The following COX7B2 variants were observed in gnomAD, a reference collection of about 807,000 sequenced individuals.
The protein encoded by COX7B2 is cytochrome c oxidase subunit 7B2, mitochondrial.
For synonymous variants in COX7B2, 37 were observed against 32.1 expected, an observed-to-expected ratio of 1.15 and a Z score of -0.51; for missense variants, 109 against 95.9, an observed-to-expected ratio of 1.14 and a Z score of -0.57.
At chr4:46,905,979 G>A (rs1720365124) in intron 1 of COX7B2, among the ~76,000 whole-genome samples, 5 of 150,626 alleles carry the variant, frequency 3.3e-5, no homozygotes, top group Admixed American at 3.3e-4. Flanking sequence ...ACAGGCGCCC[G>A]CCACCGCGCC....
intron 1 of COX7B2, among the ~76,000 whole-genome samples, chr4:46,869,449 G>A (rs547564483): frequency 2.8e-4 from 42 of 152,130 alleles, no homozygotes; most frequent in African/African-American, 9.4e-4. Flanking sequence ...TTATTTGGGT[G>A]GTTGCTTTAT....
intron 1 of COX7B2, among the ~76,000 whole-genome samples, chr4:46,853,122 T>C (rs537300456): frequency 2.4e-4 from 36 of 152,164 alleles, no homozygotes; most frequent in Non-Finnish European, 5.1e-4. Flanking sequence ...GATGAAAACG[T>C]GACCAGAGGC....
At chr4:46,819,940 A>C (rs999333224) in intron 2 of COX7B2, among the ~76,000 whole-genome samples, 12 of 152,234 alleles carry the variant, frequency 7.9e-5, no homozygotes, top group African/African-American at 2.7e-4. Flanking sequence ...TATTTCAATC[A>C]GATGTCTTCA....
chr4:46,868,464 A>G (rs1447760896), intron 1 of COX7B2, among the ~76,000 whole-genome samples: 1 of 152,100 alleles, frequency 6.6e-6, no homozygotes, highest in Non-Finnish European at 1.5e-5. Flanking sequence ...TGAAGTTAAT[A>G]TTGTTAATCT....
At chr4:46,815,420 T>C (rs1719500520) in intron 2 of COX7B2, among the ~76,000 whole-genome samples, 1 of 152,200 alleles carries the variant, frequency 6.6e-6, no homozygotes, top group African/African-American at 2.4e-5. Flanking sequence ...AATAATTATC[T>C]ATCCTACTTG....
At chr4:46,845,937 A>G (rs1330912996) in intron 1 of COX7B2, among the ~76,000 whole-genome samples, 2 of 152,020 alleles carry the variant, frequency 1.3e-5, no homozygotes, top group Non-Finnish European at 2.9e-5. Flanking sequence ...CAATCTGACT[A>G]GAAGTAGGTT....
chr4:46,777,645 T>C (rs911272454), intron 2 of COX7B2, among the ~76,000 whole-genome samples: 1 of 151,978 alleles, frequency 6.6e-6, no homozygotes, highest in African/African-American at 2.4e-5. Context: ...AGGGAAGGTA[T>C]GTAGTTATGA....
chr4:46,860,776 C>G (rs1469026195), intron 1 of COX7B2, among the ~76,000 whole-genome samples: 1 of 152,110 alleles, frequency 6.6e-6, no homozygotes, highest in Non-Finnish European at 1.5e-5. Context: ...GCTTTTACTC[C>G]CTGCCAACTT....
intron 1 of COX7B2, among the ~76,000 whole-genome samples, chr4:46,897,993 G>A (rs893456757): frequency 2.6e-5 from 4 of 152,034 alleles, no homozygotes; most frequent in African/African-American, 9.7e-5. Flanking sequence ...AACTCTCTAT[G>A]GGCTGCCTCT....
chr4:46,747,303 T>TTTTATTTTATTTTA (rs1391974911), intron 2 of COX7B2, among the ~76,000 whole-genome samples: 2 of 151,410 alleles, frequency 1.3e-5, no homozygotes, highest in Admixed American at 6.6e-5. Flanking sequence ...TTTTATTTTA[T>TTTTATTTTATTTTA]TTTATTTTAT....
intron 1 of COX7B2, among the ~76,000 whole-genome samples, chr4:46,896,795 G>A (rs1212451744): frequency 6.6e-6 from 1 of 152,178 alleles, no homozygotes; most frequent in Non-Finnish European, 1.5e-5. Flanking sequence ...CAGCTGATAT[G>A]ACAGACAAAA....
At chr4:46,762,759 C>G (rs1716263624) in intron 2 of COX7B2, among the ~76,000 whole-genome samples, 1 of 147,152 alleles carries the variant, frequency 6.8e-6, no homozygotes, top group Non-Finnish European at 1.5e-5. Flanking sequence ...GTTTAGACTA[C>G]AATAGATGTT....
intron 2 of COX7B2, among the ~76,000 whole-genome samples, chr4:46,840,442 A>T (rs1715855658): frequency 6.6e-6 from 1 of 152,024 alleles, no homozygotes; most frequent in Non-Finnish European, 1.5e-5. Context: ...ACTCTCTGTC[A>T]TGAGGGATAG....
At chr4:46,839,584 A>G (rs1323835673) in intron 2 of COX7B2, among the ~76,000 whole-genome samples, 2 of 152,046 alleles carry the variant, frequency 1.3e-5, no homozygotes, top group Non-Finnish European at 2.9e-5. Context: ...CAGAAATTCC[A>G]CACGAGAGAT....
intron 2 of COX7B2, among the ~76,000 whole-genome samples, chr4:46,833,344 A>G (rs75303732): frequency 6.6e-6 from 1 of 152,370 alleles, no homozygotes; most frequent in African/African-American, 2.4e-5. Flanking sequence ...ATGGCTCACC[A>G]AAGAAAATGT....
At chr4:46,826,542 TA>T (rs573858797) in intron 2 of COX7B2, among the ~76,000 whole-genome samples, 5 of 151,934 alleles carry the variant, frequency 3.3e-5, no homozygotes, top group Admixed American at 1.3e-4. Flanking sequence ...TATTCTACCA[TA>T]AAAAAACACA....
At chr4:46,788,957 G>A (rs926921526) in intron 2 of COX7B2, among the ~76,000 whole-genome samples, 2 of 152,074 alleles carry the variant, frequency 1.3e-5, no homozygotes, top group South Asian at 2.1e-4. Flanking sequence ...ATGCTCACTC[G>A]GCCTGTTTCC....
chr4:46,891,499 T>C (rs1407156488), intron 1 of COX7B2, among the ~76,000 whole-genome samples: 2 of 152,060 alleles, frequency 1.3e-5, no homozygotes, highest in Non-Finnish European at 2.9e-5. Flanking sequence ...GTCCCAAAAG[T>C]CAACTGAAAA....
intron 2 of COX7B2, among the ~76,000 whole-genome samples, chr4:46,742,491 A>G (rs1714776010): frequency 6.6e-6 from 1 of 152,156 alleles, no homozygotes; most frequent in African/African-American, 2.4e-5. Context: ...GCCATTTCAT[A>G]ACAGGAAATA....
Sources: gnomAD v4.1 joint callset for allele counts (sites outside exome capture counted in the v4.1 genomes callset) on GRCh38, gnomAD v4.1.1 for gene constraint, MANE v1.5 for transcripts, NCBI Gene and HGNC (gene_info 2026-07-23, HGNC 2026-07-21) for gene names.